Variants in KIF26B observed in about 807,000 individuals in gnomAD.
The protein encoded by KIF26B is kinesin-like protein KIF26B.
In KIF26B, 63 loss-of-function variants were observed where a neutral mutation model predicts 151.2. The ratio of observed to expected loss-of-function variants is 0.42; its 90% confidence interval spans 0.34 to 0.51. KIF26B has a LOEUF of 0.51. Among genes scored for constraint, KIF26B ranks in the 20% least tolerant of loss-of-function variants. The pLI is 0.07. For synonymous variants in KIF26B, 1,357 were observed against 1,262.1 expected, an observed-to-expected ratio of 1.08 and a Z score of -1.59; for missense variants, 2,813 against 2,913.6, an observed-to-expected ratio of 0.97 and a Z score of 0.79.
chr1:245,496,680 A>T (rs1227486191), intron 4 of KIF26B, among the ~76,000 whole-genome samples: 1 of 152,244 alleles, frequency 6.6e-6, no homozygotes. Context: ...GATGGTAGCT[A>T]TAAACTCAAG....
chr1:245,586,888 G>A (rs1315617745), intron 5 of KIF26B, among the ~76,000 whole-genome samples: 2 of 117,592 alleles, frequency 1.7e-5, no homozygotes, highest in African/African-American at 8.0e-5. Flanking sequence ...GCGAGACTCC[G>A]TCTCAAAAAA....
At chr1:245,621,108 A>G (rs1446935447) in intron 9 of KIF26B, among the ~76,000 whole-genome samples, 1 of 152,148 alleles carries the variant, frequency 6.6e-6, no homozygotes, top group East Asian at 1.9e-4. Context: ...CTCCAGCCCA[A>G]TTAAATTAGA....
intron 2 of KIF26B, among the ~76,000 whole-genome samples, chr1:245,209,861 G>A (rs1669479031): frequency 6.6e-6 from 1 of 152,256 alleles, no homozygotes; most frequent in Non-Finnish European, 1.5e-5. Context: ...CCCGACCCAG[G>A]GGACTCAGCT....
Position 245,602,883 on chromosome 1 carries a change from A to G in KIF26B, c.1557+100A>G, listed in dbSNP as rs542912915. ...GAGCTGGGAGGGTGTCTTCTGGAGC[A>G]TTCTGATGGACCAGTTCCTTCAGGA... On this transcript the variant is annotated intron_variant, in intron 6 of 14. Coordinates refer to ENST00000407071, the MANE Select transcript of KIF26B (RefSeq NM_018012.4). The surrounding 1 kb of genome is among the most constrained non-coding windows in gnomAD (Gnocchi z 4.5). 1 of 1,047,282 alleles carries G rather than the reference A, an allele frequency of 9.5e-7. No individual in the cohort carries two copies. Among genetic ancestry groups the G allele is most frequent in the African/African-American group, 1.6e-5 (1 of 63,938 alleles). 64.9% of individuals were successfully genotyped at this position (1,047,282 alleles called of 1,614,324 possible).
intron 2 of KIF26B, among the ~76,000 whole-genome samples, chr1:245,199,981 A>T (rs1337252467): frequency 6.6e-6 from 1 of 152,260 alleles, no homozygotes; most frequent in Non-Finnish European, 1.5e-5. Context: ...TGCAGTTTAC[A>T]GTCTGTCAGC....
chr1:245,314,335 C>T (rs1558385593), intron 2 of KIF26B, among the ~76,000 whole-genome samples: 1 of 152,030 alleles, frequency 6.6e-6, no homozygotes, highest in Non-Finnish European at 1.5e-5. Flanking sequence ...GCCTGGAATC[C>T]CAGCTACTCG....
intron 2 of KIF26B, among the ~76,000 whole-genome samples, chr1:245,171,140 G>A (rs551816963): frequency 9.9e-5 from 15 of 152,284 alleles, no homozygotes; most frequent in Non-Finnish European, 1.0e-4. Context: ...TGACAGGGTC[G>A]TGCTGGTTCT....
At chr1:245,406,480 T>G (rs1006081942) in intron 3 of KIF26B, among the ~76,000 whole-genome samples, 6 of 152,134 alleles carry the variant, frequency 3.9e-5, no homozygotes, top group Admixed American at 6.5e-5. Context: ...GGTGAAGAAC[T>G]TGGACATGGA....
Position 245,707,558 on chromosome 1 carries a change from G to A in KIF26B, c.*4952G>A, listed in dbSNP as rs967141349. ...AAATGCTATCCACGTGCCGTGCATC[G>A]AGGTGGAGATTTGCTGGATCTGTCT... On this transcript the variant is annotated 3_prime_UTR_variant, in exon 15 of 15. Coordinates refer to ENST00000407071, the MANE Select transcript of KIF26B (RefSeq NM_018012.4). 6 of 152,182 alleles carry A rather than the reference G, an allele frequency of 3.9e-5. No individual in the cohort carries two copies. Among genetic ancestry groups the A allele is most frequent in the African/African-American group, 7.2e-5 (3 of 41,434 alleles). The allele number at this position is 152,182 out of a possible 1,614,324, so 9.4% of individuals were successfully genotyped here. A position where few individuals can be genotyped will look rare whatever the true frequency, so the allele number is the denominator to read the frequency against.
chr1:245,680,769 C>T (rs78274938), intron 10 of KIF26B, among the ~76,000 whole-genome samples: 4,973 of 152,294 alleles, frequency 0.033, 135 homozygotes, highest in African/African-American at 0.074. Flanking sequence ...AGCGGTTTCA[C>T]AGTCATTCTC....
chr1:245,363,459 G>T (rs1409097710), intron 2 of KIF26B, among the ~76,000 whole-genome samples: 1 of 152,198 alleles, frequency 6.6e-6, no homozygotes, highest in Admixed American at 6.5e-5. Context: ...GCCTCCCAAA[G>T]TGCTGGGGTT....
chr1:245,475,692 A>T (rs1368950490), intron 4 of KIF26B, among the ~76,000 whole-genome samples: 1 of 151,914 alleles, frequency 6.6e-6, no homozygotes, highest in Non-Finnish European at 1.5e-5. Context: ...AACCACAATG[A>T]GATGCCACTT....
intron 4 of KIF26B, among the ~76,000 whole-genome samples, chr1:245,448,201 GT>G (rs201426582): frequency 4.6e-5 from 7 of 152,146 alleles, no homozygotes; most frequent in Non-Finnish European, 8.8e-5. Flanking sequence ...TTATTTGTAT[GT>G]TTTTTTTGTT....
intron 5 of KIF26B, among the ~76,000 whole-genome samples, chr1:245,544,278 G>T (rs1264558042): frequency 6.6e-6 from 1 of 152,016 alleles, no homozygotes; most frequent in South Asian, 2.1e-4. Flanking sequence ...TATATAAATC[G>T]GCAGGTTTGA....
intron 2 of KIF26B, among the ~76,000 whole-genome samples, chr1:245,237,566 T>C (rs1446169932): frequency 1.3e-5 from 2 of 152,172 alleles, no homozygotes; most frequent in Non-Finnish European, 2.9e-5. Flanking sequence ...AGGGGGTCTA[T>C]GAGCATCATG....
rs562217613 is a variant in KIF26B, at chr1:245,160,654, TA to T, written c.465+3983del. ...TATCAATAAAAGAAAATCTTTTATG[TA>T]AAAAAAAAAAAGTGCAGAACTATGT... On this transcript the variant is annotated intron_variant, in intron 2 of 14. Coordinates refer to ENST00000407071, the MANE Select transcript of KIF26B (RefSeq NM_018012.4). Among the ~76,000 whole-genome samples, 640 of 144,848 alleles carry T rather than the reference TA, an allele frequency of 4.4e-3. 2 individuals carry two copies. The highest frequency in any genetic ancestry group is 0.011 in the East Asian group (57 of 5,014).
At chr1:245,216,210 A>AACAC (rs1553335552) in intron 2 of KIF26B, 1 of 149,804 alleles carries the variant, frequency 6.7e-6, no homozygotes, top group East Asian at 1.9e-4. Flanking sequence ...TTAAAAAAAA[A>AACAC]AAACACACAC....
chr1:245,458,550 A>C (rs1309798536), intron 4 of KIF26B, among the ~76,000 whole-genome samples: 1 of 152,178 alleles, frequency 6.6e-6, no homozygotes, highest in Non-Finnish European at 1.5e-5. Context: ...TCCTGAAGGC[A>C]TATAGCTACA....
chr1:245,436,736 C>T (rs1658943169), intron 4 of KIF26B, among the ~76,000 whole-genome samples: 1 of 152,146 alleles, frequency 6.6e-6, no homozygotes. Flanking sequence ...GACACCGTAG[C>T]CTAGCCAAGT....
Sources: allele counts gnomAD v4.1 joint callset (sites outside exome capture counted in the v4.1 genomes callset), GRCh38; gene constraint gnomAD v4.1.1; non-coding constraint Gnocchi (gnomAD v3.1); transcripts MANE v1.5; gene names NCBI Gene and HGNC (gene_info 2026-07-23, HGNC 2026-07-21).